Variants in ZNF385B observed in about 807,000 individuals in gnomAD.
ZNF385B encodes the protein zinc finger protein 533.
ZNF385B carries 23 observed loss-of-function variants against 39.2 expected under a neutral mutation model. The ratio of observed to expected loss-of-function variants is 0.59; its 90% CI spans 0.42 to 0.83. ZNF385B has a LOEUF of 0.83. Ranked by LOEUF, ZNF385B falls within the 40% of genes least tolerant of loss-of-function variation. The pLI is 0.00. For synonymous variants in ZNF385B, 205 were observed against 222.6 expected (o/e 0.92, Z 0.70); for missense variants, 552 against 598.9 (o/e 0.92, Z 0.82).
intron 3 of ZNF385B, 70 bp downstream of exon 3, chr2:179,769,433 A>G: frequency 1.3e-6 from 2 of 1,585,726 alleles, no homozygotes; most frequent in South Asian, 2.2e-5. Flanking sequence ...GTCTTGTTCT[A>G]AATCCTTCAT....
chr2:179,530,874 C>T (rs1413131231), intron 4 of ZNF385B, among the ~76,000 whole-genome samples: 2 of 152,086 alleles, frequency 1.3e-5, no homozygotes, highest in African/African-American at 4.8e-5. Flanking sequence ...ACATTTTGGG[C>T]CCTTAATTCC....
At chr2:179,760,572 C>T (rs1703321409) in intron 3 of ZNF385B, among the ~76,000 whole-genome samples, 1 of 152,072 alleles carries the variant, frequency 6.6e-6, no homozygotes, top group South Asian at 2.1e-4. Context: ...TAACAAGTCA[C>T]CCCCAAAAGA....
chr2:179,741,963 C>T (rs913860486), intron 3 of ZNF385B, among the ~76,000 whole-genome samples: 1 of 151,938 alleles, frequency 6.6e-6, no homozygotes, highest in Non-Finnish European at 1.5e-5. Flanking sequence ...CCTGACATTA[C>T]GCATCTTAAC....
intron 3 of ZNF385B, among the ~76,000 whole-genome samples, chr2:179,738,144 T>G (rs554040355): frequency 7.2e-5 from 11 of 152,354 alleles, no homozygotes; most frequent in South Asian, 6.2e-4. Flanking sequence ...AACGCCTTCA[T>G]CTTCAGACTG....
intron 1 of ZNF385B, among the ~76,000 whole-genome samples, chr2:179,836,324 C>T (rs1232136986): frequency 6.6e-6 from 1 of 152,182 alleles, no homozygotes; most frequent in East Asian, 1.9e-4. Flanking sequence ...CACCTGTGGA[C>T]TTCATAGACC....
At chr2:179,843,588 A>G (rs113099281) in intron 1 of ZNF385B, among the ~76,000 whole-genome samples, 5 of 152,362 alleles carry the variant, frequency 3.3e-5, no homozygotes, top group African/African-American at 1.2e-4. Flanking sequence ...CAAATCTTCA[A>G]TGCTGTTAAA....
intron 3 of ZNF385B, among the ~76,000 whole-genome samples, chr2:179,684,690 G>A (rs981228822): frequency 6.6e-5 from 10 of 152,090 alleles, no homozygotes; most frequent in African/African-American, 2.2e-4. Flanking sequence ...TCCTAACATC[G>A]TGACATACCG....
chr2:179,601,013 G>A (rs1185155643), intron 3 of ZNF385B, among the ~76,000 whole-genome samples: 1 of 152,186 alleles, frequency 6.6e-6, no homozygotes, highest in African/African-American at 2.4e-5. Flanking sequence ...AGAGGACAAA[G>A]TGAAGGTGAC....
chr2:179,763,175 A>T (rs1703500927), intron 3 of ZNF385B, among the ~76,000 whole-genome samples: 1 of 152,168 alleles, frequency 6.6e-6, no homozygotes, highest in Admixed American at 6.5e-5. Flanking sequence ...AAGTGCTGGG[A>T]TTACAGGGGT....
chr2:179,522,639 T>A (rs1032165664), intron 4 of ZNF385B, among the ~76,000 whole-genome samples: 1 of 152,172 alleles, frequency 6.6e-6, no homozygotes, highest in Non-Finnish European at 1.5e-5. Context: ...TTTATAGACA[T>A]TCGATTGTTA....
intron 3 of ZNF385B, among the ~76,000 whole-genome samples, chr2:179,707,678 A>G (rs1362187990): frequency 6.6e-6 from 1 of 152,222 alleles, no homozygotes; most frequent in Non-Finnish European, 1.5e-5. Context: ...GCAGCCCCCA[A>G]CTTAGGGGAA....
At chr2:179,691,603 C>T (rs1698358683) in intron 3 of ZNF385B, among the ~76,000 whole-genome samples, 1 of 152,104 alleles carries the variant, frequency 6.6e-6, no homozygotes, top group South Asian at 2.1e-4. Context: ...ATTTATTTTC[C>T]TCATCGCATA....
intron 4 of ZNF385B, among the ~76,000 whole-genome samples, chr2:179,544,322 C>G (rs894483008): frequency 6.6e-6 from 1 of 152,076 alleles, no homozygotes; most frequent in African/African-American, 2.4e-5. Flanking sequence ...TTTTCTTTTT[C>G]TTAATAGAGT....
At chr2:179,576,321 AT>A in intron 3 of ZNF385B, 1 of 319,416 alleles carries the variant, frequency 3.1e-6, no homozygotes, top group Non-Finnish European at 4.5e-6. Context: ...CTTTTTTTCC[AT>A]TTATCCATTT....
At chr2:179,860,932 A>G (rs960353907) in intron 1 of ZNF385B, 169 bp downstream of exon 1, 16 of 173,524 alleles carry the variant, frequency 9.2e-5, no homozygotes, top group Non-Finnish European at 1.9e-4. Flanking sequence ...CTCCTCTACA[A>G]GTGGGACCTT....
At chr2:179,837,979 C>T (rs1433076450) in intron 1 of ZNF385B, among the ~76,000 whole-genome samples, 1 of 152,142 alleles carries the variant, frequency 6.6e-6, no homozygotes, top group Admixed American at 6.5e-5. Context: ...TTTAATACTA[C>T]TTCAGAATCA....
At chr2:179,575,040 C>T (rs1046715197) in intron 3 of ZNF385B, among the ~76,000 whole-genome samples, 5 of 152,070 alleles carry the variant, frequency 3.3e-5, no homozygotes, top group Non-Finnish European at 7.4e-5. Context: ...GCCCTCTACC[C>T]TCTCTGGATG....
intron 1 of ZNF385B, among the ~76,000 whole-genome samples, chr2:179,837,066 G>C (rs1292829845): frequency 1.3e-5 from 2 of 152,168 alleles, no homozygotes; most frequent in East Asian, 3.9e-4. Flanking sequence ...AAGACAGAAT[G>C]AGAGCTAATT....
intron 3 of ZNF385B, among the ~76,000 whole-genome samples, chr2:179,681,884 G>C (rs1269267059): frequency 2.0e-5 from 3 of 152,150 alleles, no homozygotes; most frequent in African/African-American, 7.2e-5. Flanking sequence ...CAATTTATAA[G>C]AATTATTCAA....
Sources: gnomAD v4.1 joint callset for allele counts (sites outside exome capture counted in the v4.1 genomes callset) on GRCh38, gnomAD v4.1.1 for gene constraint, MANE v1.5 for transcripts, NCBI Gene and HGNC (gene_info 2026-07-23, HGNC 2026-07-21) for gene names.